The following DPYD variants were observed in gnomAD, a reference collection of about 807,000 sequenced individuals.
DPYD encodes the protein dihydropyrimidine dehydrogenase [NADP(+)].
Under a neutral mutation model 116.2 loss-of-function variants are expected in DPYD, and 109 were observed. The ratio of observed to expected loss-of-function variants is 0.94; its 90% CI spans 0.80 to 1.10. DPYD has a LOEUF of 1.10. Among genes scored for constraint, DPYD ranks in the 50% least tolerant of loss-of-function variants. The pLI, the probability that DPYD is intolerant of heterozygous loss-of-function variation, is 0.00. For missense variants in DPYD, 1,302 were observed against 1,254.5 expected (o/e 1.04, Z -0.57); for synonymous variants, 440 against 432.0 (o/e 1.02, Z -0.23).
intron 12 of DPYD, among the ~76,000 whole-genome samples, chr1:97,548,354 C>A (rs75128572): frequency 0.014 from 2,135 of 152,246 alleles, 25 homozygotes; most frequent in Middle Eastern, 0.027. Flanking sequence ...CTCAAGACCA[C>A]AGTCGTTGTG....
chr1:97,422,762 C>T (rs552461543), intron 14 of DPYD, among the ~76,000 whole-genome samples: 57 of 152,096 alleles, frequency 3.7e-4, no homozygotes, highest in African/African-American at 1.3e-3. Context: ...GCTTGTGATC[C>T]AGTGGAGAAG....
chr1:97,081,697 TTTTTC>T (rs759634269), intron 22 of DPYD, among the ~76,000 whole-genome samples: 54 of 147,648 alleles, frequency 3.7e-4, no homozygotes, highest in East Asian at 1.2e-3. Flanking sequence ...TTTCTTTTTC[TTTTTC>T]TTTTCTTTTC....
chr1:97,591,829 GTTTC>G (rs917446406), intron 10 of DPYD, among the ~76,000 whole-genome samples: 15 of 150,040 alleles, frequency 1.0e-4, no homozygotes, highest in African/African-American at 2.7e-4. Context: ...AGATCAAAAT[GTTTC>G]TTTCTATGTG....
At position 97,437,676 on chromosome 1, in the gene DPYD, A is replaced by C. The variant is rs544624307; in HGVS notation, c.1905+12383T>G. 9.2e-5 allele frequency among the ~76,000 whole-genome samples: 14 copies of C among 152,058 alleles called. No individual in the cohort carries two copies. In the East Asian group the frequency reaches 2.7e-3, roughly 29 times the overall value. On this transcript the variant is annotated intron_variant, in intron 14 of 22. Coordinates refer to ENST00000370192, the MANE Select transcript of DPYD (RefSeq NM_000110.4). Reference sequence around the variant, plus strand: ...ATATGATTTGCAACTATTTTCTTTCAGTCTGTCATCTGTATTTTCATATTT... The same window carrying C: ...ATATGATTTGCAACTATTTTCTTTCCGTCTGTCATCTGTATTTTCATATTT...
At chr1:97,854,238 T>A (rs1670708895) in intron 2 of DPYD, among the ~76,000 whole-genome samples, 1 of 152,234 alleles carries the variant, frequency 6.6e-6, no homozygotes, top group Non-Finnish European at 1.5e-5. Context: ...ACACAAGAGA[T>A]TTCTGCAAAG....
chr1:97,760,606 G>T (rs1020018311), intron 3 of DPYD, among the ~76,000 whole-genome samples: 2 of 152,032 alleles, frequency 1.3e-5, no homozygotes, highest in Admixed American at 1.3e-4. Context: ...TCAGGGACTT[G>T]AACATCAGCT....
chr1:97,152,391 C>T (rs1464210855), intron 20 of DPYD, among the ~76,000 whole-genome samples: 2 of 150,490 alleles, frequency 1.3e-5, no homozygotes, highest in Non-Finnish European at 3.0e-5. Context: ...TGCAAAGGTG[C>T]GAAGTTTGAA....
At chr1:97,624,000 T>C (rs1438101140) in intron 8 of DPYD, among the ~76,000 whole-genome samples, 1 of 151,888 alleles carries the variant, frequency 6.6e-6, no homozygotes, top group African/African-American at 2.4e-5. Context: ...TACTGAAACA[T>C]AAAACCAGAA....
At chr1:97,340,003 C>A (rs1259680868) in intron 16 of DPYD, among the ~76,000 whole-genome samples, 2 of 152,064 alleles carry the variant, frequency 1.3e-5, no homozygotes, top group Non-Finnish European at 2.9e-5. Context: ...ATTGTCATTA[C>A]TGAACTGGAT....
chr1:97,250,053 C>T (rs548938511), intron 18 of DPYD, among the ~76,000 whole-genome samples: 37 of 152,152 alleles, frequency 2.4e-4, no homozygotes, highest in Admixed American at 3.3e-4. Flanking sequence ...GGGCGGATCA[C>T]GAGGTCAGGA....
chr1:97,356,077 T>A (rs1052708862), intron 16 of DPYD, among the ~76,000 whole-genome samples: 1 of 152,178 alleles, frequency 6.6e-6, no homozygotes, highest in African/African-American at 2.4e-5. Context: ...TTTCTCTGCA[T>A]CTTCTCCAAC....
At chr1:97,752,965 TTAA>T (rs776685127) in intron 3 of DPYD, among the ~76,000 whole-genome samples, 4 of 152,206 alleles carry the variant, frequency 2.6e-5, no homozygotes, top group Non-Finnish European at 4.4e-5. Flanking sequence ...TTTTGTACAG[TTAA>T]TGTTTGGTAA....
At chr1:97,353,671 AATTT>A (rs1348872134) in intron 16 of DPYD, among the ~76,000 whole-genome samples, 2 of 149,774 alleles carry the variant, frequency 1.3e-5, no homozygotes, top group African/African-American at 4.9e-5. Context: ...TTTAGAAATG[AATTT>A]TGGGTGCAGA....
At chr1:97,571,503 G>T (rs113176425) in intron 11 of DPYD, among the ~76,000 whole-genome samples, 7 of 152,008 alleles carry the variant, frequency 4.6e-5, no homozygotes, top group African/African-American at 1.4e-4. Context: ...ACTGCATTTG[G>T]CATGCAGTTC....
intron 14 of DPYD, among the ~76,000 whole-genome samples, chr1:97,443,877 G>A (rs1051686057): frequency 2.6e-5 from 4 of 152,214 alleles, no homozygotes; most frequent in Non-Finnish European, 5.9e-5. Flanking sequence ...ATGGCAAGAA[G>A]ACTGTACAAG....
intron 16 of DPYD, among the ~76,000 whole-genome samples, chr1:97,333,554 A>G (rs1004838486): frequency 8.1e-5 from 10 of 122,904 alleles, no homozygotes; most frequent in African/African-American, 3.0e-4. Context: ...GGAGTCTCAC[A>G]CTGTCGTACA....
At chr1:97,417,930 A>T (rs1674373180) in intron 14 of DPYD, among the ~76,000 whole-genome samples, 1 of 152,220 alleles carries the variant, frequency 6.6e-6, no homozygotes, top group Admixed American at 6.5e-5. Context: ...TACTCCCTTC[A>T]ATCCATAAAT....
chr1:97,336,208 T>G (rs1008899916), intron 16 of DPYD, among the ~76,000 whole-genome samples: 1 of 152,216 alleles, frequency 6.6e-6, no homozygotes, highest in Admixed American at 6.5e-5. Context: ...TAAGCCTTTA[T>G]GGAGTGCCTC....
At chr1:97,210,481 TTACAG>T (rs1414654928) in intron 19 of DPYD, among the ~76,000 whole-genome samples, 1 of 152,122 alleles carries the variant, frequency 6.6e-6, no homozygotes, top group Non-Finnish European at 1.5e-5. Context: ...TGGTCGAGAC[TTACAG>T]TAAGGCATTC....
Sources: allele counts gnomAD v4.1 joint callset (sites outside exome capture counted in the v4.1 genomes callset), GRCh38; gene constraint gnomAD v4.1.1; transcripts MANE v1.5; gene names NCBI Gene and HGNC (gene_info 2026-07-23, HGNC 2026-07-21).